DLG2: variants seen among roughly 807,000 people sequenced by gnomAD.
DLG2 encodes disks large homolog 2.
Under a neutral mutation model 132.5 loss-of-function variants are expected in DLG2, and 45 were observed. That is an observed-to-expected ratio of 0.34 (90% confidence interval 0.27 to 0.44). DLG2 has a LOEUF of 0.44. Ranked by LOEUF, DLG2 falls within the 20% of genes least tolerant of loss-of-function variation. DLG2 has a pLI of 1.00. For synonymous variants in DLG2, 424 were observed against 419.6 expected (o/e 1.01, Z -0.13); for missense variants, 1,045 against 1,196.9 (o/e 0.87, Z 1.87).
At chr11:84,223,404 G>C (rs1210630593) in intron 8 of DLG2, among the ~76,000 whole-genome samples, 1 of 152,064 alleles carries the variant, frequency 6.6e-6, no homozygotes, top group Non-Finnish European at 1.5e-5. Flanking sequence ...TAGCCACTAA[G>C]ATCCACTTTT....
chr11:83,743,293 T>C (rs1384259896), intron 18 of DLG2, among the ~76,000 whole-genome samples: 1 of 152,180 alleles, frequency 6.6e-6, no homozygotes, highest in Non-Finnish European at 1.5e-5. Context: ...TAAGAGGTCA[T>C]GAAATCCTGT....
chr11:83,578,649 A>C (rs1471196021), intron 19 of DLG2, among the ~76,000 whole-genome samples: 2 of 152,226 alleles, frequency 1.3e-5, no homozygotes, highest in Non-Finnish European at 2.9e-5. Context: ...ATTTCAGAGC[A>C]AAGAATATTA....
chr11:84,091,853 A>G (rs972151613), intron 10 of DLG2, among the ~76,000 whole-genome samples: 2 of 152,134 alleles, frequency 1.3e-5, no homozygotes, highest in Non-Finnish European at 2.9e-5. Context: ...TGCAGAAATC[A>G]ATTCCTTGTG....
At chr11:84,699,557 A>T (rs1004529658) in intron 6 of DLG2, among the ~76,000 whole-genome samples, 3 of 151,444 alleles carry the variant, frequency 2.0e-5, no homozygotes, top group Non-Finnish European at 3.0e-5. Context: ...TCTTATTCCA[A>T]CATTCTAAAA....
intron 6 of DLG2, among the ~76,000 whole-genome samples, chr11:85,035,687 C>T (rs1209518798): frequency 6.6e-6 from 1 of 152,152 alleles, no homozygotes; most frequent in Non-Finnish European, 1.5e-5. Context: ...CACCCAAATA[C>T]TATCTTTAGT....
At chr11:85,536,200 G>C (rs1257806119) in intron 3 of DLG2, among the ~76,000 whole-genome samples, 1 of 133,666 alleles carries the variant, frequency 7.5e-6, no homozygotes, top group African/African-American at 2.8e-5. Context: ...TGGCAACAGA[G>C]TGTGACCCTG....
At chr11:83,705,541 A>G (rs1270503234) in intron 18 of DLG2, among the ~76,000 whole-genome samples, 3 of 152,178 alleles carry the variant, frequency 2.0e-5, no homozygotes, top group African/African-American at 4.8e-5. Context: ...AAGATCTGTT[A>G]TTGTGATAAT....
intron 6 of DLG2, among the ~76,000 whole-genome samples, chr11:84,742,424 G>A (rs1413134074): frequency 6.6e-6 from 1 of 152,106 alleles, no homozygotes; most frequent in East Asian, 1.9e-4. Context: ...TCACATATAA[G>A]GGCATCACCA....
At chr11:84,362,912 T>C (rs7121149) in intron 7 of DLG2, among the ~76,000 whole-genome samples, 33,399 of 152,038 alleles carry the variant, frequency 0.22, 5,279 homozygotes, top group African/African-American at 0.45. Flanking sequence ...TCTATCATTG[T>C]TGGACATTTG....
chr11:85,372,671 A>T (rs1364692587), intron 3 of DLG2, among the ~76,000 whole-genome samples: 1 of 152,274 alleles, frequency 6.6e-6, no homozygotes, highest in Non-Finnish European at 1.5e-5. Flanking sequence ...TACTAAGACT[A>T]GGTAGGAAAG....
intron 18 of DLG2, among the ~76,000 whole-genome samples, chr11:83,751,108 G>A (rs899355290): frequency 6.6e-6 from 1 of 152,220 alleles, no homozygotes; most frequent in Non-Finnish European, 1.5e-5. Context: ...TAAAGTATAT[G>A]TATACTGTGG....
In DLG2 at chr11:85,478,976, T is replaced by C. The variant is rs78410107; in HGVS notation, c.40+119681A>G. ...CTTATGGTCTTTGAGCAGAAAAACT[T>C]TGTAAACAAGATATAGAAAGCATAA... On this transcript the variant is annotated intron_variant, in intron 3 of 27. Transcript: ENST00000376104. Among the ~76,000 whole-genome samples the C allele has an allele frequency of 9.1e-3, 1,389 of 152,258 alleles. 19 individuals are homozygous for C. The highest frequency in any genetic ancestry group is 0.03 in the African/African-American group (1,240 of 41,544).
chr11:84,612,401 G>A (rs567702379), intron 6 of DLG2, among the ~76,000 whole-genome samples: 8 of 151,848 alleles, frequency 5.3e-5, no homozygotes, highest in Non-Finnish European at 8.8e-5. Context: ...GGGAGAAGTC[G>A]TCATTGACTT....
At chr11:84,901,410 T>C (rs936349972) in intron 6 of DLG2, among the ~76,000 whole-genome samples, 6 of 152,110 alleles carry the variant, frequency 3.9e-5, no homozygotes, top group African/African-American at 1.4e-4. Context: ...TCACGCACTT[T>C]ACTAAAGAGA....
At chr11:84,215,084 A>G (rs572950395) in intron 8 of DLG2, among the ~76,000 whole-genome samples, 29 of 152,306 alleles carry the variant, frequency 1.9e-4, no homozygotes, top group African/African-American at 6.5e-4. Context: ...TTCAAAGAAA[A>G]ACACAGAAAG....
At chr11:84,978,098 T>G (rs1260174202) in intron 6 of DLG2, among the ~76,000 whole-genome samples, 1 of 152,158 alleles carries the variant, frequency 6.6e-6, no homozygotes, top group Admixed American at 6.6e-5. Context: ...TTGTTTATAT[T>G]TGTTAAGGTA....
intron 7 of DLG2, among the ~76,000 whole-genome samples, chr11:84,344,154 G>C (rs2098528464): frequency 6.6e-6 from 1 of 152,168 alleles, no homozygotes; most frequent in African/African-American, 2.4e-5. Flanking sequence ...TACCAACACA[G>C]AGTCCAGTTT....
At chr11:85,140,879 A>G (rs2076424440) in intron 5 of DLG2, among the ~76,000 whole-genome samples, 1 of 151,894 alleles carries the variant, frequency 6.6e-6, no homozygotes, top group Non-Finnish European at 1.5e-5. Context: ...TAATGACCTC[A>G]AGTTCCATCC....
chr11:84,534,075 T>C (rs1466230041), intron 7 of DLG2, among the ~76,000 whole-genome samples: 1 of 152,174 alleles, frequency 6.6e-6, no homozygotes, highest in Non-Finnish European at 1.5e-5. Context: ...GGGAAAAGTA[T>C]GACAATGAAT....
Sources: gnomAD v4.1 joint callset for allele counts (sites outside exome capture counted in the v4.1 genomes callset) on GRCh38, gnomAD v4.1.1 for gene constraint, MANE v1.5 for transcripts, NCBI Gene and HGNC (gene_info 2026-07-23, HGNC 2026-07-21) for gene names.